Variants in NDUFS8 observed in about 807,000 individuals in gnomAD.
NDUFS8 encodes NADH dehydrogenase [ubiquinone] iron-sulfur protein 8, mitochondrial.
Under a neutral mutation model 25.6 loss-of-function variants are expected in NDUFS8, and 13 were observed. That is an observed-to-expected ratio of 0.51 (90% confidence interval 0.33 to 0.81). NDUFS8 has a LOEUF of 0.81. NDUFS8 is among the 30% of genes least tolerant of loss of function. The pLI, the probability that NDUFS8 is intolerant of heterozygous loss-of-function variation, is 0.02. For missense variants in NDUFS8, 257 were observed against 300.9 expected (o/e 0.85, Z 1.08); for synonymous variants, 119 against 119.4 (o/e 1.00, Z 0.02).
chr11:68,035,631 G>A, intron 5 of NDUFS8: 1 of 438,678 alleles, frequency 2.3e-6, no homozygotes, highest in Non-Finnish European at 4.6e-6. Flanking sequence ...ACCGCAGGGT[G>A]AGACCCTTAG....
At position 68,033,973 on chromosome 11, in the gene NDUFS8, G is replaced by C. The variant is rs371402717; in HGVS notation, c.372+690G>C. On this transcript the variant is annotated intron_variant, in intron 5 of 6. Coordinates refer to ENST00000313468, the MANE Select transcript of NDUFS8 (RefSeq NM_002496.4). ...TCCAGCCACGGACTGAGAGTGCATA[G>C]GAGTGTCCCCAAACAGCAGTCACGA... is the stretch of plus-strand genomic sequence containing the variant. 1.1e-3 allele frequency: 172 copies of C among 157,528 alleles called. 1 individual carries two copies. The highest frequency in any genetic ancestry group is 4.0e-3 in the African/African-American group (168 of 41,644). The allele number at this position is 157,528 out of a possible 1,614,324, so 9.8% of individuals were successfully genotyped here.
chr11:68,034,453 G>C (rs529469439), intron 5 of NDUFS8: 2 of 152,262 alleles, frequency 1.3e-5, no homozygotes, highest in Non-Finnish European at 1.5e-5. Flanking sequence ...CGATGTTGCA[G>C]GTTCGGCTCC....
chr11:68,031,632 G>A (rs537553365), intron 1 of NDUFS8: 5 of 222,060 alleles, frequency 2.3e-5, no homozygotes, highest in South Asian at 5.9e-5. Flanking sequence ...ACAGGCGTGA[G>A]CCACCACACC....
At chr11:68,033,456 G>A in intron 5 of NDUFS8, 173 bp downstream of exon 5, 1 of 817,508 alleles carries the variant, frequency 1.2e-6, no homozygotes, top group Non-Finnish European at 2.0e-6. Flanking sequence ...TGTTACCAGA[G>A]CACAGAGTCA....
Position 68,036,508 on chromosome 11 carries a change from A to G in NDUFS8, c.548A>G (p.Tyr183Cys), listed in dbSNP as rs2134419045. Residue 183 changes from tyrosine (Y) to cysteine (C), a missense_variant, in exon 7 of 7, where the codon TAC (tyrosine) becomes TGC (cysteine). Physicochemically the swap from Tyr to Cys is radical, Grantham distance 194. Transcript: ENST00000313468. ...ACGGAGACCCATGAGGAGCTGCTGT[A>G]CAACAAGGAGAAGTTGCTCAACAAC... ...FSTETHEELLYNKEKLLNNGD... is the reference protein window; with the variant it reads ...FSTETHEELLCNKEKLLNNGD... 1 of 1,614,106 alleles carries G rather than the reference A, an allele frequency of 6.2e-7. No homozygotes were observed. The highest frequency in any genetic ancestry group is 1.7e-5 in the Admixed American group (1 of 60,022).
Position 68,036,470 on chromosome 11 carries a change from C to CT in NDUFS8, c.513dup (p.Glu172Ter), listed in dbSNP as rs759588414. 5 of 1,613,950 alleles carry CT rather than the reference C, an allele frequency of 3.1e-6. No individual in the cohort carries two copies. The highest frequency in any genetic ancestry group is 2.2e-5 in the South Asian group (2 of 91,084). ...TGCACCTCAACCTGCAGGGCCCCAA[C>CT]TTTGAGTTCTCCACGGAGACCCATG... is the stretch of plus-strand genomic sequence containing the variant. On this transcript the variant is annotated frameshift_variant, in exon 7 of 7. Coordinates refer to ENST00000313468, the MANE Select transcript of NDUFS8 (RefSeq NM_002496.4). LOFTEE classifies it high-confidence loss of function.
chr11:68,035,493 A>G, intron 5 of NDUFS8: 1 of 252,290 alleles, frequency 4.0e-6, no homozygotes, highest in South Asian at 3.3e-5. Context: ...GATAAGAAGC[A>G]AGCACATGGT....
chr11:68,035,648 G>A (rs116365834), intron 5 of NDUFS8: 211 of 448,724 alleles, frequency 4.7e-4, no homozygotes, highest in African/African-American at 3.8e-3. Context: ...TTAGGGCAGC[G>A]GGTGCTACAC....
chr11:68,036,431 C>G (rs1196990341), intron 6 of NDUFS8, 31 bp from the exon 7 acceptor site: 1 of 1,613,904 alleles, frequency 6.2e-7, no homozygotes, highest in Admixed American at 1.7e-5. Flanking sequence ...TCAGCAGGGC[C>G]TAACCACCGT....
In NDUFS8 at chr11:68,036,342, C is replaced by A. The variant is rs753648233; in HGVS notation, c.462C>A (p.Gly154=). 1 of 1,613,802 alleles carries A rather than the reference C, an allele frequency of 6.2e-7. No individual in the cohort carries two copies. The highest frequency in any genetic ancestry group is 8.5e-7 in the Non-Finnish European group (1 of 1,180,006). Residue 154 remains glycine (G), a synonymous_variant, in exon 6 of 7, where the codon GGC becomes GGA. Coordinates refer to ENST00000313468, the MANE Select transcript of NDUFS8 (RefSeq NM_002496.4). Reference sequence around the variant, plus strand: ...ACATGACCAAGTGCATCTACTGCGGCTTCTGCCAGGAGGCCTGTCCCGTGG... The same window carrying A: ...ACATGACCAAGTGCATCTACTGCGGATTCTGCCAGGAGGCCTGTCCCGTGG... The part of the protein sequence containing the change: ...DIDMTKCIYC[G]FCQEACPVDA...
chr11:68,036,182 G>C (rs1854886069), intron 5 of NDUFS8, 71 bp from the exon 6 acceptor site: 1 of 1,604,742 alleles, frequency 6.2e-7, no homozygotes. Flanking sequence ...GTGGGGATGA[G>C]CAGTGACAGG....
In NDUFS8 at chr11:68,033,169, C is replaced by T. The variant is rs781662731; in HGVS notation, c.258C>T (p.Phe86=). The change falls in exon 5 of 7, where the codon TTC becomes TTT. Residue 86 remains phenylalanine, a synonymous_variant. Transcript: ENST00000313468. ...FREPATINYP[F]EKGPLSPRFR... is the part of the protein sequence containing the mutation. ...AACCGGCCACCATCAACTACCCGTT[C>T]GAGAAGGGCCCGCTGAGCCCTCGCT... is the stretch of plus-strand genomic sequence containing the variant. 16 of 1,612,448 alleles carry T rather than the reference C, an allele frequency of 9.9e-6. No homozygotes were observed. Among genetic ancestry groups the T allele is most frequent in the Admixed American group, 5.0e-5 (3 of 59,908 alleles).
chr11:68,031,882 G>A (rs966277070), intron 1 of NDUFS8, among the ~76,000 whole-genome samples: 7 of 152,230 alleles, frequency 4.6e-5, no homozygotes, highest in African/African-American at 1.4e-4. Flanking sequence ...CTCTGGGAGG[G>A]AGAAAGGAAG....
chr11:68,032,735 G>T, intron 3 of NDUFS8, 188 bp from the exon 4 acceptor site: 1 of 797,130 alleles, frequency 1.3e-6, no homozygotes, highest in Non-Finnish European at 2.0e-6. Flanking sequence ...AGGTAGGCAC[G>T]GACGGGCTCA....
intron 5 of NDUFS8, chr11:68,034,683 AG>A (rs1367097978): frequency 6.7e-6 from 1 of 150,356 alleles, no homozygotes; most frequent in Non-Finnish European, 1.5e-5. Flanking sequence ...GCACGTTGGC[AG>A]GTCCCTGTAA....
At chr11:68,035,660 G>A (rs1245091355) in intron 5 of NDUFS8, 3 of 455,446 alleles carry the variant, frequency 6.6e-6, no homozygotes, top group Middle Eastern at 3.3e-4. Flanking sequence ...GTGCTACACT[G>A]AACAAAGCGG....
chr11:68,033,149 G>C lies in NDUFS8; in HGVS notation c.238G>C (p.Ala80Pro). The C allele has an allele frequency of 6.2e-7, 1 of 1,612,746 alleles. No individual in the cohort carries two copies. ...CCTGAGCTACCTGTTCCGGGAACCGGCCACCATCAACTACCCGTTCGAGAA... is the reference window on the plus strand; with the variant it reads ...CCTGAGCTACCTGTTCCGGGAACCGCCCACCATCAACTACCCGTTCGAGAA... ...MTLSYLFREP[A>P]TINYPFEKGP... Residue 80 changes from alanine to proline, a missense_variant, in exon 5 of 7, where the codon GCC becomes CCC. Transcript: ENST00000313468.
intron 3 of NDUFS8, 193 bp from the exon 4 acceptor site, chr11:68,032,730 G>A: frequency 2.6e-6 from 2 of 783,200 alleles, no homozygotes; most frequent in Non-Finnish European, 2.1e-6. Context: ...GGGAGAGGTA[G>A]GCACGGACGG....
At chr11:68,035,983 C>G (rs997132474) in intron 5 of NDUFS8, 4 of 432,036 alleles carry the variant, frequency 9.3e-6, no homozygotes, top group Admixed American at 3.6e-5. Flanking sequence ...TGTGCTGCTG[C>G]ACTCCAGCCT....
Sources: allele counts gnomAD v4.1 joint callset (sites outside exome capture counted in the v4.1 genomes callset), GRCh38; gene constraint gnomAD v4.1.1; transcripts MANE v1.5; gene names NCBI Gene and HGNC (gene_info 2026-07-23, HGNC 2026-07-21).